NRG3: variants seen among roughly 807,000 people sequenced by gnomAD.
NRG3 encodes neuregulin 3.
Under a neutral mutation model 66.9 loss-of-function variants are expected in NRG3, and 31 were observed. The ratio of observed to expected loss-of-function variants is 0.46; its 90% confidence interval spans 0.35 to 0.63. NRG3 has a LOEUF of 0.63. NRG3 is among the 20% of genes least tolerant of loss of function. The pLI, the probability that NRG3 is intolerant of heterozygous loss-of-function variation, is 0.00. For synonymous variants in NRG3, 393 were observed against 359.4 expected (o/e 1.09, Z -1.06); for missense variants, 910 against 878.9 (o/e 1.04, Z -0.45).
At chr10:82,299,634 G>T (rs560037829) in intron 1 of NRG3, among the ~76,000 whole-genome samples, 32 of 150,438 alleles carry the variant, frequency 2.1e-4, no homozygotes, top group African/African-American at 6.4e-4. Context: ...ATTCATTTTT[G>T]TATTGCCAGT....
chr10:81,885,172 A>G (rs1564631948), intron 1 of NRG3, among the ~76,000 whole-genome samples: 1 of 152,184 alleles, frequency 6.6e-6, no homozygotes, highest in Non-Finnish European at 1.5e-5. Flanking sequence ...GAAAACAGTT[A>G]CAGACTTTAT....
intron 1 of NRG3, among the ~76,000 whole-genome samples, chr10:81,920,392 C>G (rs1408924136): frequency 6.6e-6 from 1 of 152,132 alleles, no homozygotes; most frequent in African/African-American, 2.4e-5. Flanking sequence ...GCTGCCCAGG[C>G]ACCCCTAATC....
At chr10:82,663,796 C>G (rs2052554222) in intron 2 of NRG3, among the ~76,000 whole-genome samples, 1 of 152,216 alleles carries the variant, frequency 6.6e-6, no homozygotes, top group Admixed American at 6.5e-5. Context: ...CCACTTGCTT[C>G]AGGTTGGCCA....
intron 1 of NRG3, among the ~76,000 whole-genome samples, chr10:82,055,182 A>G (rs574212178): frequency 3.9e-4 from 59 of 152,182 alleles, no homozygotes; most frequent in African/African-American, 1.4e-3. Flanking sequence ...GATCTTGATG[A>G]AAAAAGAAAA....
At chr10:82,403,281 G>A (rs905557191) in intron 2 of NRG3, among the ~76,000 whole-genome samples, 4 of 151,996 alleles carry the variant, frequency 2.6e-5, no homozygotes, top group Non-Finnish European at 5.9e-5. Flanking sequence ...CAGTCTTCGG[G>A]AATAGGGTCC....
chr10:82,549,886 G>A (rs923389359), intron 2 of NRG3, among the ~76,000 whole-genome samples: 2 of 152,006 alleles, frequency 1.3e-5, no homozygotes, highest in Admixed American at 6.6e-5. Flanking sequence ...ATCCAATACC[G>A]GTCACCATTT....
chr10:82,037,205 A>G (rs1432147664), intron 1 of NRG3, among the ~76,000 whole-genome samples: 1 of 152,164 alleles, frequency 6.6e-6, no homozygotes, highest in Non-Finnish European at 1.5e-5. Context: ...ACTGCCTGGC[A>G]GATCCTGGCT....
chr10:82,281,019 T>G, intron 1 of NRG3, among the ~76,000 whole-genome samples: 1 of 152,200 alleles, frequency 6.6e-6, no homozygotes, highest in East Asian at 1.9e-4. Context: ...TTTTTTGTTC[T>G]ATCTTTTGTG....
intron 3 of NRG3, among the ~76,000 whole-genome samples, chr10:82,779,677 T>C (rs1432759162): frequency 6.6e-6 from 1 of 152,186 alleles, no homozygotes; most frequent in Non-Finnish European, 1.5e-5. Context: ...TCCAAAATTT[T>C]AATTTCCTTA....
chr10:82,314,367 A>G (rs1013850217), intron 1 of NRG3, among the ~76,000 whole-genome samples: 11 of 152,192 alleles, frequency 7.2e-5, no homozygotes, highest in Admixed American at 2.6e-4. Context: ...CAAGGCTTCT[A>G]AAATTGCCAG....
Position 82,029,289 on chromosome 10 carries a change from C to G in NRG3, c.823+153126C>G, listed in dbSNP as rs573624424. Among the ~76,000 whole-genome samples the G allele has an allele frequency of 1.6e-4, 24 of 152,180 alleles. No homozygotes were observed. In the South Asian group the frequency reaches 5.0e-3, roughly 32 times the overall value. Reference sequence around the variant, plus strand: ...GTGTGCTGTGGAGAAATTTAGTTAACTTTTCTCTGAAGAAGTATTCCTTCC... The same window carrying G: ...GTGTGCTGTGGAGAAATTTAGTTAAGTTTTCTCTGAAGAAGTATTCCTTCC... On this transcript the variant is annotated intron_variant, in intron 1 of 8. Coordinates refer to ENST00000372141, the MANE Select transcript of NRG3 (RefSeq NM_001010848.4).
chr10:82,525,263 T>G (rs1033473904), intron 2 of NRG3, among the ~76,000 whole-genome samples: 2 of 151,956 alleles, frequency 1.3e-5, no homozygotes, highest in Non-Finnish European at 3.0e-5. Context: ...TAGAAGATGC[T>G]TTTACTCTGG....
At chr10:82,744,126 G>A (rs2058544824) in intron 3 of NRG3, among the ~76,000 whole-genome samples, 2 of 152,230 alleles carry the variant, frequency 1.3e-5, no homozygotes, top group African/African-American at 4.8e-5. Context: ...TTCAGAAGGG[G>A]AGTTCAGTGC....
intron 1 of NRG3, among the ~76,000 whole-genome samples, chr10:81,963,058 G>GCAAA (rs2059582527): frequency 6.7e-6 from 1 of 150,184 alleles, no homozygotes; most frequent in African/African-American, 2.5e-5. Flanking sequence ...AAGTCACAAT[G>GCAAA]CAAACAAATG....
intron 2 of NRG3, among the ~76,000 whole-genome samples, chr10:82,608,736 T>G (rs1397044287): frequency 6.6e-6 from 1 of 152,136 alleles, no homozygotes; most frequent in Non-Finnish European, 1.5e-5. Flanking sequence ...TCCAGGTCAG[T>G]TAGGCTCTGG....
chr10:82,707,772 G>T (rs1192152830), intron 2 of NRG3, among the ~76,000 whole-genome samples: 1 of 149,472 alleles, frequency 6.7e-6, no homozygotes, highest in Non-Finnish European at 1.5e-5. Flanking sequence ...ACTTTGGGAG[G>T]CTGAGGTGTG....
At chr10:82,760,666 TCTA>T (rs1375340688) in intron 3 of NRG3, among the ~76,000 whole-genome samples, 1 of 152,024 alleles carries the variant, frequency 6.6e-6, no homozygotes, top group Non-Finnish European at 1.5e-5. Context: ...TATGGTTTTA[TCTA>T]CTTAGAAAAT....
At chr10:82,066,535 C>A (rs1025825365) in intron 1 of NRG3, among the ~76,000 whole-genome samples, 1 of 152,042 alleles carries the variant, frequency 6.6e-6, no homozygotes, top group Non-Finnish European at 1.5e-5. Flanking sequence ...ATTTGGGGGC[C>A]TCTGCAATAT....
At chr10:82,652,603 T>A (rs1318710121) in intron 2 of NRG3, among the ~76,000 whole-genome samples, 4 of 152,170 alleles carry the variant, frequency 2.6e-5, no homozygotes, top group Admixed American at 2.6e-4. Context: ...CTGGGGTTTT[T>A]ATAGGCAGAG....
Sources: allele counts gnomAD v4.1 joint callset (sites outside exome capture counted in the v4.1 genomes callset), GRCh38; gene constraint gnomAD v4.1.1; transcripts MANE v1.5; gene names NCBI Gene and HGNC (gene_info 2026-07-23, HGNC 2026-07-21).